The following RIMS2 variants were observed in gnomAD, a reference collection of about 807,000 sequenced individuals.
RIMS2 encodes regulating synaptic membrane exocytosis protein 2.
Under a neutral mutation model 174.4 loss-of-function variants are expected in RIMS2, and 59 were observed. That is an observed-to-expected ratio of 0.34 (90% CI 0.27 to 0.42). The LOEUF is 0.42. RIMS2 is among the 10% of genes least tolerant of loss of function. The pLI is 1.00. For missense variants in RIMS2, 1,620 were observed against 1,666.3 expected (o/e 0.97, Z 0.48); for synonymous variants, 606 against 572.5 (o/e 1.06, Z -0.84).
chr8:103,612,304 G>C (rs1228843847), intron 1 of RIMS2, among the ~76,000 whole-genome samples: 1 of 152,134 alleles, frequency 6.6e-6, no homozygotes, highest in East Asian at 1.9e-4. Flanking sequence ...TATTTAGCTT[G>C]TTTGGTGAGG....
chr8:104,144,239 C>T (rs573417347), intron 19 of RIMS2, among the ~76,000 whole-genome samples: 17 of 152,130 alleles, frequency 1.1e-4, no homozygotes, highest in South Asian at 2.1e-4. Context: ...TATTTAACTT[C>T]GATAATACTA....
intron 3 of RIMS2, chr8:103,769,038 G>A (rs2098216414): frequency 6.7e-6 from 2 of 298,336 alleles, no homozygotes; most frequent in East Asian, 8.1e-5. Flanking sequence ...AAGATTTTTT[G>A]AATAACAAAT....
At chr8:103,586,084 A>G (rs1460271493) in intron 1 of RIMS2, among the ~76,000 whole-genome samples, 9 of 152,168 alleles carry the variant, frequency 5.9e-5, no homozygotes, top group African/African-American at 2.2e-4. Flanking sequence ...AACTGGAGCA[A>G]CCAGATATAT....
chr8:103,544,943 G>GA (rs979316319), intron 1 of RIMS2, among the ~76,000 whole-genome samples: 4 of 152,162 alleles, frequency 2.6e-5, no homozygotes, highest in African/African-American at 9.7e-5. Context: ...CCACACATGT[G>GA]AAAAAACCAG....
chr8:103,577,834 T>C (rs2093355369), intron 1 of RIMS2, among the ~76,000 whole-genome samples: 1 of 152,160 alleles, frequency 6.6e-6, no homozygotes. Context: ...TTAGAGGCTC[T>C]CAATAGCAAA....
intron 1 of RIMS2, among the ~76,000 whole-genome samples, chr8:103,528,907 A>G (rs1835480318): frequency 6.6e-6 from 1 of 152,162 alleles, no homozygotes; most frequent in Non-Finnish European, 1.5e-5. Flanking sequence ...TCTTTAAAGT[A>G]GTTTTTTCCA....
chr8:103,623,672 G>A (rs1305542037), intron 1 of RIMS2, among the ~76,000 whole-genome samples: 1 of 151,372 alleles, frequency 6.6e-6, no homozygotes, highest in Non-Finnish European at 1.5e-5. Flanking sequence ...TGTATTTTTA[G>A]TAGAGACGGG....
chr8:104,121,109 C>G (rs2098367160), intron 19 of RIMS2, among the ~76,000 whole-genome samples: 1 of 151,972 alleles, frequency 6.6e-6, no homozygotes, highest in Non-Finnish European at 1.5e-5. Flanking sequence ...TACATGAAAA[C>G]TAGTTGTTGC....
At position 103,596,398 on chromosome 8, in the gene RIMS2, GT is replaced by G. The variant is rs1260729180; in HGVS notation, c.176+95342del. 3.3e-5 allele frequency among the ~76,000 whole-genome samples: 5 copies of G among 152,076 alleles called. No homozygotes were observed. In the East Asian group the frequency reaches 9.6e-4, roughly 29 times the overall value. On this transcript the variant is annotated intron_variant, in intron 1 of 23. Coordinates refer to ENST00000504942, the Ensembl canonical transcript of RIMS2. ...CTTGGGTTTTTGTTTTGTTTTTGTT[GT>G]TTTTTGGTAGAGGTGGTGCACCTTT...
intron 14 of RIMS2, among the ~76,000 whole-genome samples, chr8:103,944,439 G>C (rs796826530): frequency 2.0e-5 from 3 of 151,904 alleles, no homozygotes; most frequent in African/African-American, 7.2e-5. Flanking sequence ...AAGTTTATAG[G>C]CTGCTAACAC....
chr8:104,145,932 G>T (rs566284103), intron 19 of RIMS2, among the ~76,000 whole-genome samples: 1 of 151,828 alleles, frequency 6.6e-6, no homozygotes, highest in Admixed American at 6.6e-5. Flanking sequence ...GATATCCAGT[G>T]AAGAAAGAAA....
At chr8:103,911,156 T>C (rs1594987292) in intron 5 of RIMS2, among the ~76,000 whole-genome samples, 1 of 152,138 alleles carries the variant, frequency 6.6e-6, no homozygotes, top group African/African-American at 2.4e-5. Flanking sequence ...CTGGAACTTA[T>C]GTTTTGCCTG....
intron 7 of RIMS2, 115 bp downstream of exon 10, chr8:103,915,709 T>C: frequency 2.1e-6 from 1 of 474,214 alleles, no homozygotes; most frequent in Non-Finnish European, 3.8e-6. Flanking sequence ...TTAACTTAGA[T>C]ATAAATCTCT....
chr8:104,183,560 T>TG lies in RIMS2; in HGVS notation c.3335-61349dup, dbSNP rs140844821. 2.0e-3 allele frequency among the ~76,000 whole-genome samples: 296 copies of TG among 151,418 alleles called. 2 individuals are homozygous for TG. The highest frequency in any genetic ancestry group is 6.6e-3 in the African/African-American group (272 of 41,368). On this transcript the variant is annotated intron_variant, in intron 19 of 23. Transcript: ENST00000504942. ...ATAATGCAGAAGTTCCAGAATACCA[T>TG]GGGGGGGAAAATGAGCATTATTTTG... is the stretch of plus-strand genomic sequence containing the variant.
chr8:104,113,379 G>C (rs2131878573), intron 19 of RIMS2, among the ~76,000 whole-genome samples: 1 of 152,046 alleles, frequency 6.6e-6, no homozygotes, highest in South Asian at 2.1e-4. Context: ...TCATATTCTT[G>C]GACATTTGTA....
chr8:104,070,183 C>A lies in RIMS2; in HGVS notation c.3334+55568C>A, dbSNP rs182245860. ...CCAGTTTCTAGCTTCTTCAATAAGA[C>A]AACATAGAGAAGGCAGAGATTCTTA... is the stretch of plus-strand genomic sequence containing the variant. On this transcript the variant is annotated intron_variant, in intron 19 of 23. Transcript: ENST00000504942. Among the ~76,000 whole-genome samples the A allele has an allele frequency of 4.0e-4, 61 of 152,228 alleles. 1 individual carries two copies. Among genetic ancestry groups the A allele is most frequent in the South Asian group, 8.3e-4 (4 of 4,828 alleles).
At chr8:103,682,428 G>A (rs921278012) in intron 1 of RIMS2, among the ~76,000 whole-genome samples, 2 of 152,098 alleles carry the variant, frequency 1.3e-5, no homozygotes, top group African/African-American at 4.8e-5. Context: ...TTTAAATATT[G>A]TTCAGAACTG....
chr8:103,720,853 A>C (rs1205882428), intron 2 of RIMS2, among the ~76,000 whole-genome samples: 1 of 152,236 alleles, frequency 6.6e-6, no homozygotes, highest in Non-Finnish European at 1.5e-5. Context: ...AAGTTTAGAA[A>C]AAAGATAACG....
At position 104,052,471 on chromosome 8, in the gene RIMS2, A is replaced by G. The variant is rs541506352; in HGVS notation, c.3334+37856A>G. ...GAACTCAAAGTGAAAGGACAAGATG[A>G]CTAAGGGGTTTAGCTAGAAATCAAA... On this transcript the variant is annotated intron_variant, in intron 19 of 23. Transcript: ENST00000504942. 8.5e-5 allele frequency among the ~76,000 whole-genome samples: 13 copies of G among 152,278 alleles called. No homozygotes were observed. The South Asian group carries it at 2.7e-3, about 32-fold the overall frequency.
Sources: allele counts gnomAD v4.1 joint callset (sites outside exome capture counted in the v4.1 genomes callset), GRCh38; gene constraint gnomAD v4.1.1; transcripts MANE v1.5; gene names NCBI Gene and HGNC (gene_info 2026-07-23, HGNC 2026-07-21).